FBXL19: variants seen among roughly 807,000 people sequenced by gnomAD.
FBXL19 encodes the protein F-box/LRR-repeat protein 19.
FBXL19 carries 16 observed loss-of-function variants against 71.2 expected under a neutral mutation model. That is an observed-to-expected ratio of 0.22 (90% confidence interval 0.15 to 0.34). FBXL19 has a LOEUF of 0.34. FBXL19 is among the 10% of genes least tolerant of loss of function. FBXL19 has a pLI of 1.00. For synonymous variants in FBXL19, 447 were observed against 409.4 expected (o/e 1.09, Z -1.11); for missense variants, 658 against 968.2 (o/e 0.68, Z 4.25).
At position 30,947,034 on chromosome 16, in the gene FBXL19, C is replaced by T. The variant is rs530873194; in HGVS notation, c.1847-18C>T. 2.5e-6 allele frequency: 4 copies of T among 1,584,992 alleles called. No homozygotes were observed. The highest frequency in any genetic ancestry group is 4.6e-5 in the East Asian group (2 of 43,280). ...CTTGCTCACCTGCCTGGTCTCAGCTCCACTGCCCCATCCCCAGGTTGCCAC... is the reference window on the plus strand; with the variant it reads ...CTTGCTCACCTGCCTGGTCTCAGCTTCACTGCCCCATCCCCAGGTTGCCAC... On this transcript the variant is annotated intron_variant, in intron 10 of 10. Coordinates refer to ENST00000338343, the MANE Select transcript of FBXL19 (RefSeq NM_001382779.1).
intron 7 of FBXL19, among the ~76,000 whole-genome samples, chr16:30,937,446 TC>T (rs1285565691): frequency 2.6e-5 from 4 of 152,064 alleles, no homozygotes; most frequent in African/African-American, 9.7e-5. Flanking sequence ...CTGCGGACTG[TC>T]CATGTCTCCC....
upstream of FBXL19, chr16:30,923,251 C>T (rs548444169): frequency 8.8e-6 from 4 of 453,594 alleles, no homozygotes; most frequent in South Asian, 3.1e-5. Flanking sequence ...AGTCATCGTT[C>T]CCTCTCCTTC....
chr16:30,926,471 A>G (rs1254329356), intron 2 of FBXL19, among the ~76,000 whole-genome samples: 2 of 152,182 alleles, frequency 1.3e-5, no homozygotes. Context: ...AGCACACAGT[A>G]GGGATCGGGG....
chr16:30,928,255 G>A (rs2055624688), intron 5 of FBXL19, among the ~76,000 whole-genome samples: 1 of 152,034 alleles, frequency 6.6e-6, no homozygotes, highest in Non-Finnish European at 1.5e-5. Flanking sequence ...AGGAGGGAGG[G>A]GCTGGAGAGG....
intron 7 of FBXL19, among the ~76,000 whole-genome samples, chr16:30,935,820 G>A (rs2055726249): frequency 6.6e-6 from 1 of 152,154 alleles, no homozygotes; most frequent in Non-Finnish European, 1.5e-5. Context: ...GGTGGCTGGA[G>A]TCCAGGAGGA....
chr16:30,942,540 C>G lies in FBXL19; in HGVS notation c.1627+4C>G, dbSNP rs752259654. ...CCTCCACCAGACACCAAACCAGGTG[C>G]AACCTCTGTTTGCTTTTCTGGAGAA... On this transcript the variant is annotated splice_donor_region_variant and intron_variant, in intron 9 of 10. Transcript: ENST00000338343. This position sits in a 1 kb window ranked among gnomAD's most constrained non-coding sequence, Gnocchi z 5.7. 3 of 1,577,654 alleles carry G rather than the reference C, an allele frequency of 1.9e-6. No individual in the cohort carries two copies.
rs1332020341 is a variant in FBXL19, at chr16:30,946,480, C to T, written c.1628-250C>T. ...TCGGCTTCCCAAAGTGCTAGGATTACAGGCATGAGCCACCACGCCTGGCAG... is the reference window on the plus strand; with the variant it reads ...TCGGCTTCCCAAAGTGCTAGGATTATAGGCATGAGCCACCACGCCTGGCAG... On this transcript the variant is annotated intron_variant, in intron 9 of 10. Coordinates refer to ENST00000338343, the MANE Select transcript of FBXL19 (RefSeq NM_001382779.1). The surrounding 1 kb of genome is among the most constrained non-coding windows in gnomAD (Gnocchi z 6.7). Among the ~76,000 whole-genome samples, 4 of 152,234 alleles carry T rather than the reference C, an allele frequency of 2.6e-5. No homozygotes were observed. Among genetic ancestry groups the T allele is most frequent in the African/African-American group, 9.7e-5 (4 of 41,450 alleles).
upstream of FBXL19, chr16:30,923,296 G>A (rs528139245): frequency 9.4e-4 from 410 of 437,396 alleles, 2 homozygotes; most frequent in Non-Finnish European, 2.5e-4. Flanking sequence ...CGGGGCAACG[G>A]GACTCTAACT....
At position 30,930,321 on chromosome 16, in the gene FBXL19, C is replaced by A; in HGVS notation, c.1038C>A (p.Asn346Lys). 6.2e-7 allele frequency: 1 copy of A among 1,605,132 alleles called. No homozygotes were observed. Among genetic ancestry groups the A allele is most frequent in the Non-Finnish European group, 8.5e-7 (1 of 1,175,670 alleles). ...GGGGCAGCTCTGGCGAGAAGGAGAA[C>A]CGTGGGGGGCGGCGGGCTGTGCGCC... Reference protein sequence around the residue: ...PARGSSGEKENRGGRRAVRPG... With the variant: ...PARGSSGEKEKRGGRRAVRPG... The change falls in exon 7 of 11, where the codon AAC becomes AAA. Residue 346 changes from asparagine (N) to lysine (K), a missense_variant. Coordinates refer to ENST00000338343, the MANE Select transcript of FBXL19 (RefSeq NM_001382779.1). This position sits in a 1 kb window ranked among gnomAD's most constrained non-coding sequence, Gnocchi z 8.5.
intron 2 of FBXL19, 118 bp from the exon 3 acceptor site, chr16:30,927,190 C>T: frequency 9.4e-7 from 1 of 1,068,600 alleles, no homozygotes; most frequent in African/African-American, 1.6e-5. Flanking sequence ...CAGGATCAGA[C>T]CCAGCTTGAC....
intron 4 of FBXL19, 32 bp from the exon 5 acceptor site, chr16:30,927,713 A>T: frequency 6.4e-7 from 1 of 1,556,086 alleles, no homozygotes; most frequent in East Asian, 2.4e-5. Context: ...GGAGCTGTGC[A>T]GGTCCTCACC....
At position 30,947,158 on chromosome 16, in the gene FBXL19, C is replaced by T; in HGVS notation, c.1953C>T (p.Ala651=). 6.2e-7 allele frequency: 1 copy of T among 1,600,114 alleles called. No homozygotes were observed. Among genetic ancestry groups the T allele is most frequent in the Non-Finnish European group, 8.5e-7 (1 of 1,179,520 alleles). The change falls in exon 11 of 11, where the codon GCC becomes GCT. Residue 651 remains alanine, a synonymous_variant. Transcript: ENST00000338343. ...GCCAGCTCTCACCCGAAGCTTGTGCCCGGCTGGCAGCTGCCGGGCCCCCTG... is the reference window on the plus strand; with the variant it reads ...GCCAGCTCTCACCCGAAGCTTGTGCTCGGCTGGCAGCTGCCGGGCCCCCTG... ...SCRQLSPEAC[A]RLAAAGPPGP...
chr16:30,926,377 G>T (rs1292543902), intron 2 of FBXL19, among the ~76,000 whole-genome samples: 1 of 152,180 alleles, frequency 6.6e-6, no homozygotes, highest in Non-Finnish European at 1.5e-5. Flanking sequence ...TGAACCTCAG[G>T]TTCCTTCTCT....
At position 30,948,546 on chromosome 16, in the gene FBXL19, G is replaced by A. The variant is rs1434630587; in HGVS notation, c.*1316G>A. ...GCCGGGGCTTACCATGTAGGGGAGGGGAGATCTATCCACATACCTCAGGTA... is the reference window on the plus strand; with the variant it reads ...GCCGGGGCTTACCATGTAGGGGAGGAGAGATCTATCCACATACCTCAGGTA... On this transcript the variant is annotated 3_prime_UTR_variant, in exon 11 of 11. Coordinates refer to ENST00000338343, the MANE Select transcript of FBXL19 (RefSeq NM_001382779.1). 2 of 151,520 alleles carry A rather than the reference G, an allele frequency of 1.3e-5. No individual in the cohort carries two copies. Among genetic ancestry groups the A allele is most frequent in the Non-Finnish European group, 3.0e-5 (2 of 67,788 alleles). The allele number at this position is 151,520 out of a possible 1,614,324, so 9.4% of individuals were successfully genotyped here.
Position 30,942,754 on chromosome 16 carries a change from G to A in FBXL19, c.1627+218G>A, listed in dbSNP as rs2055816534. Among the ~76,000 whole-genome samples, 2 of 152,224 alleles carry A rather than the reference G, an allele frequency of 1.3e-5. No individual in the cohort carries two copies. Among genetic ancestry groups the A allele is most frequent in the Admixed American group, 6.5e-5 (1 of 15,280 alleles). On this transcript the variant is annotated intron_variant, in intron 9 of 10. Transcript: ENST00000338343. This position sits in a 1 kb window ranked among gnomAD's most constrained non-coding sequence, Gnocchi z 5.7. ...CTTGAAAGGAACAGGGTTTTCCCAG[G>A]GAGTGTGAGACTCAGCAGTTTGGTG...
chr16:30,947,111 C>T lies in FBXL19; in HGVS notation c.1906C>T (p.Arg636Cys), dbSNP rs779810052. ...PLFRRCPRLR[R>C]LDLRSCRQLS... ...GTTCCGCCGCTGCCCTCGTCTACGCCGCCTAGACCTGCGCTCCTGCCGCCA... is the reference window on the plus strand; with the variant it reads ...GTTCCGCCGCTGCCCTCGTCTACGCTGCCTAGACCTGCGCTCCTGCCGCCA... Residue 636 changes from arginine (R) to cysteine (C), a missense_variant, in exon 11 of 11, where the codon CGC becomes TGC. Physicochemically the swap from Arg to Cys is radical, Grantham distance 180. This residue lies in a region of FBXL19 where 69 missense variants were observed against 177.8 expected (regional missense o/e 0.39). Transcript: ENST00000338343. The T allele has an allele frequency of 6.9e-6, 11 of 1,599,244 alleles. No individual in the cohort carries two copies. The highest frequency in any genetic ancestry group is 1.7e-5 in the Admixed American group (1 of 59,514).
chr16:30,930,015 G>A lies in FBXL19; in HGVS notation c.790-58G>A, dbSNP rs543024383. On this transcript the variant is annotated intron_variant, in intron 6 of 10. Transcript: ENST00000338343. This position sits in a 1 kb window ranked among gnomAD's most constrained non-coding sequence, Gnocchi z 8.5. ...CATCCCCTGGTGACTCCTCGGGGTA[G>A]GGGGGTGGGAAAATGTATCCCAGGC... The A allele has an allele frequency of 1.9e-6, 3 of 1,559,300 alleles. No homozygotes were observed. The highest frequency in any genetic ancestry group is 2.3e-5 in the East Asian group (1 of 44,362).
intron 2 of FBXL19, among the ~76,000 whole-genome samples, chr16:30,926,628 T>C (rs568488300): frequency 6.6e-6 from 1 of 152,156 alleles, no homozygotes; most frequent in South Asian, 2.1e-4. Context: ...CCTGCCACTC[T>C]TTCCTGGTTG....
Position 30,930,599 on chromosome 16 carries a change from C to G in FBXL19, c.1301+15C>G. 1 of 1,433,374 alleles carries G rather than the reference C, an allele frequency of 7.0e-7. No homozygotes were observed. The highest frequency in any genetic ancestry group is 9.1e-7 in the Non-Finnish European group (1 of 1,097,744). The allele number at this position is 1,433,374 out of a possible 1,614,324, so 88.8% of individuals were successfully genotyped here. ...TGGAGCCGCTGGTGAGTGGCCTGGA[C>G]AGGCCTGCGTTCCGTGGCCAGCAGG... On this transcript the variant is annotated intron_variant, in intron 7 of 10. Coordinates refer to ENST00000338343, the MANE Select transcript of FBXL19 (RefSeq NM_001382779.1). The surrounding 1 kb of genome is among the most constrained non-coding windows in gnomAD (Gnocchi z 8.5).
Sources: allele counts gnomAD v4.1 joint callset (sites outside exome capture counted in the v4.1 genomes callset), GRCh38; gene constraint gnomAD v4.1.1; regional missense constraint gnomAD v4.1.1; non-coding constraint Gnocchi (gnomAD v3.1); transcripts MANE v1.5; gene names NCBI Gene and HGNC (gene_info 2026-07-23, HGNC 2026-07-21).